GALNT2: variants seen among roughly 807,000 people sequenced by gnomAD.
GALNT2 encodes the protein polypeptide N-acetylgalactosaminyltransferase 2, also known as UDP-GalNAc:polypeptide N-acetylgalactosaminyltransferase 2.
In GALNT2, 31 loss-of-function variants were observed where a neutral mutation model predicts 81.4. The observed-to-expected ratio is 0.38, with a 90% confidence interval of 0.29 to 0.51. GALNT2 has a LOEUF of 0.51. Ranked by LOEUF, GALNT2 falls within the 20% of genes least tolerant of loss-of-function variation. GALNT2 has a pLI of 0.87. For missense variants in GALNT2, 629 were observed against 765.7 expected, an observed-to-expected ratio of 0.82 and a Z score of 2.11; for synonymous variants, 303 against 287.4, an observed-to-expected ratio of 1.05 and a Z score of -0.55.
At chr1:230,247,898 A>T (rs1435663108) in intron 8 of GALNT2, among the ~76,000 whole-genome samples, 1 of 152,190 alleles carries the variant, frequency 6.6e-6, no homozygotes, top group Non-Finnish European at 1.5e-5. Context: ...AAACAAAGGA[A>T]AGGTTATGTC....
chr1:230,127,671 C>A (rs965725085), intron 1 of GALNT2, among the ~76,000 whole-genome samples: 1 of 142,424 alleles, frequency 7.0e-6, no homozygotes, highest in Non-Finnish European at 1.5e-5. Context: ...ACTGTGCCGG[C>A]CGAGGGTTTT....
intron 2 of GALNT2, among the ~76,000 whole-genome samples, chr1:230,201,960 C>G (rs1302121450): frequency 6.6e-6 from 1 of 152,158 alleles, no homozygotes; most frequent in South Asian, 2.1e-4. Flanking sequence ...CAGTTCCAAC[C>G]ACTGGAAATT....
chr1:230,173,215 T>C (rs930201949), intron 1 of GALNT2, among the ~76,000 whole-genome samples: 5 of 152,222 alleles, frequency 3.3e-5, no homozygotes, highest in Non-Finnish European at 7.3e-5. Flanking sequence ...CGCTGTACTT[T>C]AGGGCATCTA....
chr1:230,182,059 A>G (rs907346914), intron 2 of GALNT2, among the ~76,000 whole-genome samples: 8 of 152,292 alleles, frequency 5.3e-5, no homozygotes, highest in Admixed American at 5.2e-4. Context: ...TGTCCTTTTC[A>G]TATCCATGGG....
chr1:230,106,551 A>T (rs1320331319), intron 1 of GALNT2, among the ~76,000 whole-genome samples: 2 of 152,224 alleles, frequency 1.3e-5, no homozygotes, highest in Admixed American at 6.5e-5. Context: ...TTTATTTTAC[A>T]TCAAAGGCTT....
chr1:230,154,554 A>C (rs1244970844), intron 1 of GALNT2, among the ~76,000 whole-genome samples: 1 of 152,198 alleles, frequency 6.6e-6, no homozygotes, highest in African/African-American at 2.4e-5. Context: ...TTTGGAGATA[A>C]GATCTTTATA....
At chr1:230,236,551 A>G (rs1665037943) in intron 5 of GALNT2, 109 bp from the exon 6 acceptor site, 1 of 1,413,226 alleles carries the variant, frequency 7.1e-7, no homozygotes, top group African/African-American at 1.4e-5. Flanking sequence ...TGCCTCTGTG[A>G]TGCCCCAAGG....
intron 11 of GALNT2, among the ~76,000 whole-genome samples, chr1:230,258,237 T>C (rs1482531577): frequency 1.4e-5 from 2 of 146,984 alleles, no homozygotes; most frequent in African/African-American, 5.1e-5. Context: ...TTTGGTTTTT[T>C]TTCTTTTTTG....
chr1:230,152,413 A>C (rs907979080), intron 1 of GALNT2, among the ~76,000 whole-genome samples: 1 of 152,226 alleles, frequency 6.6e-6, no homozygotes, highest in Non-Finnish European at 1.5e-5. Flanking sequence ...GTAGATCATG[A>C]AACTAATAGA....
At chr1:230,068,418 G>A (rs978791818) in intron 1 of GALNT2, among the ~76,000 whole-genome samples, 2 of 152,222 alleles carry the variant, frequency 1.3e-5, no homozygotes, top group East Asian at 3.8e-4. Context: ...CTGGCTCCTC[G>A]GCTTTGAAAG....
chr1:230,258,466 C>G (rs1665783108), intron 11 of GALNT2, among the ~76,000 whole-genome samples: 2 of 151,798 alleles, frequency 1.3e-5, no homozygotes, highest in African/African-American at 4.8e-5. Flanking sequence ...CTCAAGTGAT[C>G]CACCCGCCTC....
intron 2 of GALNT2, among the ~76,000 whole-genome samples, chr1:230,179,472 A>G (rs978420111): frequency 2.0e-5 from 3 of 152,196 alleles, no homozygotes; most frequent in African/African-American, 4.8e-5. Context: ...TGGTGTTGCC[A>G]GTGTTCTGGA....
chr1:230,157,465 A>G (rs1026701704), intron 1 of GALNT2, among the ~76,000 whole-genome samples: 1 of 152,240 alleles, frequency 6.6e-6, no homozygotes, highest in Non-Finnish European at 1.5e-5. Flanking sequence ...TTCTCATACA[A>G]CGCAGTAATC....
intron 1 of GALNT2, among the ~76,000 whole-genome samples, chr1:230,165,010 G>C (rs1481946515): frequency 6.6e-6 from 1 of 152,220 alleles, no homozygotes; most frequent in Non-Finnish European, 1.5e-5. Flanking sequence ...CCACTGGCCA[G>C]ATAAGATCCC....
intron 2 of GALNT2, among the ~76,000 whole-genome samples, chr1:230,190,471 C>T (rs1663485708): frequency 1.3e-5 from 2 of 152,194 alleles, no homozygotes; most frequent in Admixed American, 6.5e-5. Context: ...GAGTTTTATC[C>T]CACATTCAAA....
chr1:230,246,186 C>G lies in GALNT2; in HGVS notation c.817+36C>G, dbSNP rs771570824. ...GTCATGGTGCCCCTGCCTAGCTCGT[C>G]CCGTCTACACCAGCATCTGATCACC... On this transcript the variant is annotated intron_variant, in intron 8 of 15. Coordinates refer to ENST00000366672, the MANE Select transcript of GALNT2 (RefSeq NM_004481.5). 5.6e-6 allele frequency: 8 copies of G among 1,429,056 alleles called. No individual in the cohort carries two copies. In the Admixed American group the frequency reaches 1.2e-4, roughly 21 times the overall value. The allele number at this position is 1,429,056 out of a possible 1,614,324, so 88.5% of individuals were successfully genotyped here. A position where few individuals can be genotyped will look rare whatever the true frequency, so the allele number is the denominator to read the frequency against.
chr1:230,256,400 C>T (rs1665716875), intron 11 of GALNT2, among the ~76,000 whole-genome samples: 1 of 149,538 alleles, frequency 6.7e-6, no homozygotes, highest in Admixed American at 6.7e-5. Flanking sequence ...GGGCCAAGAT[C>T]GTGCCTCTGC....
intron 1 of GALNT2, among the ~76,000 whole-genome samples, chr1:230,146,796 G>A (rs1487308623): frequency 6.6e-6 from 1 of 152,188 alleles, no homozygotes; most frequent in Non-Finnish European, 1.5e-5. Context: ...GGGGCTGCAC[G>A]CACCTCAGAG....
chr1:230,076,000 G>A (rs1659543166), intron 1 of GALNT2, among the ~76,000 whole-genome samples: 1 of 152,144 alleles, frequency 6.6e-6, no homozygotes, highest in South Asian at 2.1e-4. Flanking sequence ...CTTTCCCGAA[G>A]GATGTTGCCT....
Sources: gnomAD v4.1 joint callset for allele counts (sites outside exome capture counted in the v4.1 genomes callset) on GRCh38, gnomAD v4.1.1 for gene constraint, MANE v1.5 for transcripts, NCBI Gene and HGNC (gene_info 2026-07-23, HGNC 2026-07-21) for gene names.